Variants in WWOX observed in about 807,000 individuals in gnomAD.
WWOX encodes WW domain containing oxidoreductase.
A neutral mutation model predicts 46.2 loss-of-function variants in WWOX; 69 were observed. The ratio of observed to expected loss-of-function variants is 1.49; its 90% CI spans 1.23 to 1.82. The LOEUF is 1.82. WWOX is among the 40% of genes most tolerant of loss of function. The probability of loss-of-function intolerance (pLI) is 0.00; values close to 1 mark genes in which losing one functional copy is unlikely to be tolerated. For synonymous variants in WWOX, 359 were observed against 202.6 expected (o/e 1.77, Z -6.56); for missense variants, 919 against 542.6 (o/e 1.69, Z -6.89).
intron 8 of WWOX, among the ~76,000 whole-genome samples, chr16:78,912,751 C>G (rs898780905): frequency 6.6e-6 from 1 of 151,976 alleles, no homozygotes; most frequent in Non-Finnish European, 1.5e-5. Flanking sequence ...AAAATTGATT[C>G]TCTAAAACCA....
intron 8 of WWOX, among the ~76,000 whole-genome samples, chr16:78,936,234 C>A (rs1443405751): frequency 6.6e-6 from 1 of 152,058 alleles, no homozygotes; most frequent in Non-Finnish European, 1.5e-5. Flanking sequence ...TTGGTATTTG[C>A]TGTGTATGCC....
chr16:79,192,240 C>T (rs8058909), intron 8 of WWOX, among the ~76,000 whole-genome samples: 10,108 of 152,208 alleles, frequency 0.066, 1,135 homozygotes, highest in African/African-American at 0.23. Flanking sequence ...TTCCACAATA[C>T]GCCTCCCTTT....
chr16:78,225,043 T>A (rs1450246125), intron 5 of WWOX, among the ~76,000 whole-genome samples: 1 of 152,230 alleles, frequency 6.6e-6, no homozygotes, highest in Non-Finnish European at 1.5e-5. Flanking sequence ...TACAGTCACA[T>A]CGCTTAACAA....
chr16:78,587,295 A>G (rs192944892), intron 8 of WWOX, among the ~76,000 whole-genome samples: 7 of 148,176 alleles, frequency 4.7e-5, no homozygotes, highest in East Asian at 2.0e-4. Flanking sequence ...GGCCTCCCAC[A>G]GTATTGGGAT....
At chr16:79,190,703 C>T (rs1464455079) in intron 8 of WWOX, among the ~76,000 whole-genome samples, 1 of 152,178 alleles carries the variant, frequency 6.6e-6, no homozygotes, top group Non-Finnish European at 1.5e-5. Context: ...AGTTCATGGA[C>T]CAAATCCTGC....
At chr16:79,162,554 C>G (rs1001017794) in intron 8 of WWOX, among the ~76,000 whole-genome samples, 2 of 152,148 alleles carry the variant, frequency 1.3e-5, no homozygotes, top group Non-Finnish European at 1.5e-5. Flanking sequence ...GCCCTGAAGA[C>G]ACAGGGATAC....
At chr16:78,244,191 T>C (rs1288445946) in intron 5 of WWOX, among the ~76,000 whole-genome samples, 2 of 152,194 alleles carry the variant, frequency 1.3e-5, no homozygotes, top group South Asian at 4.1e-4. Flanking sequence ...GAGATGATAA[T>C]AGTCTCTTCC....
At chr16:78,769,862 T>A (rs187217474) in intron 8 of WWOX, among the ~76,000 whole-genome samples, 1 of 150,552 alleles carries the variant, frequency 6.6e-6, no homozygotes, top group African/African-American at 2.4e-5. Context: ...AAAAATAAAA[T>A]AAAAAAATAA....
chr16:78,887,861 T>C (rs1439255235), intron 8 of WWOX, among the ~76,000 whole-genome samples: 1 of 152,236 alleles, frequency 6.6e-6, no homozygotes, highest in Non-Finnish European at 1.5e-5. Context: ...AATTGGTTCA[T>C]GTCCTGGTGT....
chr16:78,665,037 C>G (rs887724137), intron 8 of WWOX, among the ~76,000 whole-genome samples: 2 of 152,270 alleles, frequency 1.3e-5, no homozygotes, highest in Admixed American at 6.5e-5. Context: ...AGCCTGCATC[C>G]TGTTCATTAC....
At chr16:78,352,265 T>C (rs1019845797) in intron 5 of WWOX, among the ~76,000 whole-genome samples, 1 of 152,228 alleles carries the variant, frequency 6.6e-6, no homozygotes, top group Non-Finnish European at 1.5e-5. Flanking sequence ...TTGTTTCCTA[T>C]CTCTGCTGTA....
At chr16:79,095,860 C>CTT (rs775730124) in intron 8 of WWOX, among the ~76,000 whole-genome samples, 20 of 118,472 alleles carry the variant, frequency 1.7e-4, no homozygotes, top group African/African-American at 2.7e-4. Context: ...CTCTCTCTCT[C>CTT]TTTTTTTTTT....
At chr16:78,517,674 G>C (rs573521797) in intron 8 of WWOX, among the ~76,000 whole-genome samples, 1 of 152,058 alleles carries the variant, frequency 6.6e-6, no homozygotes, top group Non-Finnish European at 1.5e-5. Context: ...GTGGAAGCGC[G>C]AGGTGGTGAG....
intron 8 of WWOX, among the ~76,000 whole-genome samples, chr16:79,200,058 C>T (rs932824906): frequency 6.6e-6 from 1 of 152,186 alleles, no homozygotes; most frequent in Non-Finnish European, 1.5e-5. Flanking sequence ...AAGCTCCTCA[C>T]CTGAGCCCTG....
intron 8 of WWOX, among the ~76,000 whole-genome samples, chr16:79,038,493 G>A (rs905784411): frequency 1.3e-5 from 2 of 152,178 alleles, no homozygotes; most frequent in African/African-American, 4.8e-5. Flanking sequence ...TATTGTTTAT[G>A]AGTGTTCTAA....
chr16:78,625,982 C>G (rs984645335), intron 8 of WWOX, among the ~76,000 whole-genome samples: 3 of 151,276 alleles, frequency 2.0e-5, no homozygotes, highest in African/African-American at 7.3e-5. Flanking sequence ...AGTAATGGCA[C>G]CAACCTAATA....
At chr16:79,093,776 T>C (rs1393680430) in intron 8 of WWOX, among the ~76,000 whole-genome samples, 1 of 152,194 alleles carries the variant, frequency 6.6e-6, no homozygotes, top group Non-Finnish European at 1.5e-5. Context: ...CATTGATACT[T>C]TTCTCTCTTG....
chr16:78,800,534 A>G lies in WWOX; in HGVS notation c.1056+367782A>G, dbSNP rs534496840. On this transcript the variant is annotated intron_variant, in intron 8 of 8. Coordinates refer to ENST00000566780, the MANE Select transcript of WWOX (RefSeq NM_016373.4). ...GGAACGGGGGTAAGCCTATATGGTC[A>G]TAATTAGCCTGCAAACGTGAATTAA... 2.8e-3 allele frequency among the ~76,000 whole-genome samples: 419 copies of G among 152,284 alleles called. 2 individuals carry two copies. The highest frequency in any genetic ancestry group is 9.2e-3 in the African/African-American group (384 of 41,562).
chr16:78,880,783 A>C (rs1343035314), intron 8 of WWOX, among the ~76,000 whole-genome samples: 1 of 152,194 alleles, frequency 6.6e-6, no homozygotes, highest in African/African-American at 2.4e-5. Flanking sequence ...TAACTGTATC[A>C]AATGGAAAGA....
Sources: allele counts gnomAD v4.1 joint callset (sites outside exome capture counted in the v4.1 genomes callset), GRCh38; gene constraint gnomAD v4.1.1; transcripts MANE v1.5; gene names NCBI Gene and HGNC (gene_info 2026-07-23, HGNC 2026-07-21).